Variants in DNMT3A observed in about 807,000 individuals in gnomAD.
DNMT3A encodes the protein DNA methyltransferase 3 alpha.
A neutral mutation model predicts 117.6 loss-of-function variants in DNMT3A; 267 were observed. That is an observed-to-expected ratio of 2.27 (90% CI 2.05 to 2.51). The LOEUF is 2.51. Among genes scored for constraint, DNMT3A ranks in the 30% most tolerant of loss-of-function variants. DNMT3A has a pLI of 0.00. For synonymous variants in DNMT3A, 432 were observed against 474.8 expected (o/e 0.91, Z 1.17); for missense variants, 1,029 against 1,260.2 (o/e 0.82, Z 2.78).
chr2:25,319,362 C>T (rs1443912411), intron 1 of DNMT3A, among the ~76,000 whole-genome samples: 1 of 151,862 alleles, frequency 6.6e-6, no homozygotes, highest in Non-Finnish European at 1.5e-5. Context: ...GTTGCCCAGG[C>T]TGATCTTGAA....
At position 25,296,156 on chromosome 2, in the gene DNMT3A, C is replaced by T. The variant is rs2033075242; in HGVS notation, c.177+3983G>A. 1.3e-5 allele frequency among the ~76,000 whole-genome samples: 2 copies of T among 152,182 alleles called. No homozygotes were observed. The highest frequency in any genetic ancestry group is 2.1e-4 in the South Asian group (1 of 4,834). ...TGAGGTCTGCAGACCACTGCAGTCC[C>T]ATGTGTGTGATCGGTGGGCTTGGAA... On this transcript the variant is annotated intron_variant, in intron 3 of 22. Coordinates refer to ENST00000321117, the MANE Select transcript of DNMT3A (RefSeq NM_022552.5). The surrounding 1 kb of genome is among the most constrained non-coding windows in gnomAD (Gnocchi z 4.2).
intron 6 of DNMT3A, among the ~76,000 whole-genome samples, chr2:25,258,608 C>G (rs1291431468): frequency 6.6e-6 from 1 of 152,202 alleles, no homozygotes; most frequent in Non-Finnish European, 1.5e-5. Flanking sequence ...CCACAGCCCT[C>G]ATTCAAGACA....
rs1675941336 is a variant in DNMT3A, at chr2:25,254,425, C to T, written c.640-6173G>A. Among the ~76,000 whole-genome samples, 1 of 152,118 alleles carries T rather than the reference C, an allele frequency of 6.6e-6. No homozygotes were observed. The highest frequency in any genetic ancestry group is 1.5e-5 in the Non-Finnish European group (1 of 68,016). On this transcript the variant is annotated intron_variant, in intron 6 of 22. Coordinates refer to ENST00000321117, the MANE Select transcript of DNMT3A (RefSeq NM_022552.5). The surrounding 1 kb of genome is among the most constrained non-coding windows in gnomAD (Gnocchi z 4.7). ...CTAGAAGACTTGGGTACAGACTCCCCCCCAACCCTGAGACCCAGAATCCAT... is the reference window on the plus strand; with the variant it reads ...CTAGAAGACTTGGGTACAGACTCCCTCCCAACCCTGAGACCCAGAATCCAT...
chr2:25,243,922 A>C lies in DNMT3A; in HGVS notation c.1912T>G (p.Ser638Ala). 6.4e-7 allele frequency: 1 copy of C among 1,552,102 alleles called. No homozygotes were observed. Among genetic ancestry groups the C allele is most frequent in the Non-Finnish European group, 8.7e-7 (1 of 1,147,110 alleles). Residue 638 changes from serine to alanine, a missense_variant, in exon 16 of 23, where the codon TCT becomes GCT. Ser to Ala is a moderately conservative substitution (Grantham distance 99). Coordinates refer to ENST00000321117, the MANE Select transcript of DNMT3A (RefSeq NM_022552.5). ...AEKRKPIRVL[S>A]LFDGIATGLL... ...CCTGTAGCGATTCCATCAAAGAGAG[A>C]CAGCACCCGGATGGGCTTCCTCTTC... is the stretch of plus-strand genomic sequence containing the variant.
chr2:25,244,404 C>T (rs1457777286), intron 14 of DNMT3A, 66 bp from the exon 15 acceptor site: 17 of 1,568,144 alleles, frequency 1.1e-5, no homozygotes, highest in East Asian at 2.3e-5. Flanking sequence ...AGGTGTGCTA[C>T]CTGGAATGGA....
chr2:25,249,005 T>C (rs761952076), intron 6 of DNMT3A, among the ~76,000 whole-genome samples: 6 of 152,268 alleles, frequency 3.9e-5, no homozygotes, highest in Non-Finnish European at 8.8e-5. Context: ...TATCTCCTAA[T>C]GCTATCCCTC....
intron 1 of DNMT3A, among the ~76,000 whole-genome samples, chr2:25,323,933 G>T (rs1488970919): frequency 6.6e-6 from 1 of 152,114 alleles, no homozygotes; most frequent in African/African-American, 2.4e-5. Flanking sequence ...GTGGGTAAGG[G>T]GTGGAGCCAG....
At chr2:25,243,298 CAAAA>C (rs557193872) in intron 16 of DNMT3A, among the ~76,000 whole-genome samples, 1 of 69,266 alleles carries the variant, frequency 1.4e-5, no homozygotes, top group Admixed American at 1.6e-4. Flanking sequence ...GACTCCGTCT[CAAAA>C]AAAAAAAAAA....
intron 2 of DNMT3A, 30 bp from the exon 3 acceptor site, chr2:25,300,273 A>G: frequency 1.3e-6 from 2 of 1,599,408 alleles, no homozygotes; most frequent in South Asian, 1.1e-5. Context: ...CTGTGAGGCC[A>G]GAGGTGGATC....
chr2:25,313,686 T>C (rs1012483442), intron 2 of DNMT3A, among the ~76,000 whole-genome samples: 1 of 152,118 alleles, frequency 6.6e-6, no homozygotes, highest in African/African-American at 2.4e-5. Flanking sequence ...GCCATGGTGG[T>C]TAAAAGCCTG....
chr2:25,237,109 G>A lies in DNMT3A; in HGVS notation c.2409-104C>T, dbSNP rs1673462586. 7.8e-6 allele frequency: 9 copies of A among 1,159,488 alleles called. No homozygotes were observed. The highest frequency in any genetic ancestry group is 1.4e-5 in the South Asian group (1 of 71,506). 71.8% of individuals were successfully genotyped at this position (1,159,488 alleles called of 1,614,324 possible). The stretch of plus-strand genomic sequence containing the variant: ...CTCCCCCAGCAGCCACTAGTTCACA[G>A]GGTAAGAGCCCCTTCCCCAAATCAC... On this transcript the variant is annotated intron_variant, in intron 20 of 22. Transcript: ENST00000321117. This position sits in a 1 kb window ranked among gnomAD's most constrained non-coding sequence, Gnocchi z 5.4.
At chr2:25,328,792 G>A (rs572598117) in intron 1 of DNMT3A, 15 of 454,258 alleles carry the variant, frequency 3.3e-5, no homozygotes, top group East Asian at 7.0e-5. Flanking sequence ...CAGGAGCTCC[G>A]AGGGCAGAAC....
intron 3 of DNMT3A, among the ~76,000 whole-genome samples, chr2:25,290,617 C>T (rs533366521): frequency 1.4e-4 from 21 of 152,278 alleles, no homozygotes; most frequent in Non-Finnish European, 1.9e-4. Context: ...CCACCACGCC[C>T]GGCCAGAAGT....
chr2:25,238,080 T>C (rs1388344917), intron 20 of DNMT3A, among the ~76,000 whole-genome samples: 2 of 152,220 alleles, frequency 1.3e-5, no homozygotes. Context: ...GAGTTTAGTA[T>C]TTTAGAGTTG....
At chr2:25,262,827 T>C (rs1326942015) in intron 6 of DNMT3A, among the ~76,000 whole-genome samples, 1 of 152,174 alleles carries the variant, frequency 6.6e-6, no homozygotes, top group Non-Finnish European at 1.5e-5. Flanking sequence ...TTGCCCATCC[T>C]CCCTAACCCC....
At chr2:25,290,525 T>C (rs945116136) in intron 3 of DNMT3A, among the ~76,000 whole-genome samples, 3 of 152,164 alleles carry the variant, frequency 2.0e-5, no homozygotes, top group Admixed American at 6.5e-5. Context: ...TTTCGCCATG[T>C]TGGCCATGCT....
In DNMT3A at chr2:25,279,891, G is replaced by T. The variant is rs184806809; in HGVS notation, c.448+2550C>A. On this transcript the variant is annotated intron_variant, in intron 4 of 22. Transcript: ENST00000321117. ...TTTTTAGTAGAGACAAGGTTTCACT[G>T]TGTTGGCCCGGCTGGTCTCGAACTC... Among the ~76,000 whole-genome samples, 7 of 152,120 alleles carry T rather than the reference G, an allele frequency of 4.6e-5. No homozygotes were observed. The East Asian group carries it at 9.7e-4, about 21-fold the overall frequency.
At chr2:25,316,545 C>T (rs6752097) in intron 1 of DNMT3A, among the ~76,000 whole-genome samples, 151,949 of 152,302 alleles carry the variant, frequency 1, 75,801 homozygotes, top group Middle Eastern at 1. Flanking sequence ...ACTACACAAC[C>T]CTAGGGGGCC....
intron 22 of DNMT3A, among the ~76,000 whole-genome samples, chr2:25,235,297 G>A (rs1673228985): frequency 6.6e-6 from 1 of 151,724 alleles, no homozygotes; most frequent in South Asian, 2.1e-4. Context: ...CGATTCTCCT[G>A]TCTCAGCCTC....
Sources: gnomAD v4.1 joint callset for allele counts (sites outside exome capture counted in the v4.1 genomes callset) on GRCh38, gnomAD v4.1.1 for gene constraint, Gnocchi (gnomAD v3.1) non-coding constraint, MANE v1.5 for transcripts, NCBI Gene and HGNC (gene_info 2026-07-23, HGNC 2026-07-21) for gene names.